GRAP2: variants seen among roughly 807,000 people sequenced by gnomAD.
The protein encoded by GRAP2 is GRB2-related adapter protein 2.
Under a neutral mutation model 43.5 loss-of-function variants are expected in GRAP2, and 31 were observed. That is an observed-to-expected ratio of 0.71 (90% CI 0.54 to 0.96). GRAP2 has a LOEUF of 0.96. GRAP2 is among the 40% of genes least tolerant of loss of function. The probability of loss-of-function intolerance (pLI) is 0.00; values close to 1 mark genes in which losing one functional copy is unlikely to be tolerated. For missense variants in GRAP2, 371 were observed against 424.4 expected (o/e 0.87, Z 1.11); for synonymous variants, 156 against 164.8 (o/e 0.95, Z 0.41).
rs895095680 is a variant in GRAP2 at position 39,962,119 on chromosome 22, A to G, written c.290+1945A>G. Among the ~76,000 whole-genome samples, 4 of 152,354 alleles carry G rather than the reference A, an allele frequency of 2.6e-5. No homozygotes were observed. The East Asian group carries it at 7.7e-4, about 29-fold the overall frequency. ...GTCTTAATTAATGAAATTTCGCTCC[A>G]TTAACATATATTACAAGTCAGGGTC... On this transcript the variant is annotated intron_variant, in intron 4 of 7. Coordinates refer to ENST00000344138, the MANE Select transcript of GRAP2 (RefSeq NM_004810.4).
chr22:39,961,244 A>G (rs2067116812), intron 4 of GRAP2, among the ~76,000 whole-genome samples: 1 of 151,848 alleles, frequency 6.6e-6, no homozygotes, highest in Admixed American at 6.6e-5. Flanking sequence ...TCTCTGACCC[A>G]CTGTGGGGAA....
chr22:39,904,030 C>T (rs866381954), intron 1 of GRAP2, among the ~76,000 whole-genome samples: 4 of 152,082 alleles, frequency 2.6e-5, no homozygotes, highest in African/African-American at 4.8e-5. Context: ...GAAACTATCA[C>T]GAAGTGCATG....
intron 1 of GRAP2, among the ~76,000 whole-genome samples, chr22:39,916,817 A>C (rs778035228): frequency 1.3e-5 from 2 of 152,304 alleles, no homozygotes; most frequent in Non-Finnish European, 2.9e-5. Context: ...TATTATTTTA[A>C]TACTTTACCT....
intron 1 of GRAP2, among the ~76,000 whole-genome samples, chr22:39,923,793 T>C (rs1032822606): frequency 6.6e-6 from 1 of 152,220 alleles, no homozygotes; most frequent in Non-Finnish European, 1.5e-5. Flanking sequence ...TCCCTGCAGC[T>C]CTACTTCTGG....
Position 39,968,923 on chromosome 22 carries a change from G to A in GRAP2, c.691-488G>A, listed in dbSNP as rs181677883. Among the ~76,000 whole-genome samples the A allele has an allele frequency of 1.0e-3, 153 of 152,250 alleles. 1 individual carries two copies. The highest frequency in any genetic ancestry group is 3.4e-3 in the African/African-American group (142 of 41,546). On this transcript the variant is annotated intron_variant, in intron 6 of 7. Coordinates refer to ENST00000344138, the MANE Select transcript of GRAP2 (RefSeq NM_004810.4). ...GCGTTTCCTCTCATGCCTTTGTGGC[G>A]TTTTATATGCTGATCTCTCTGCCTG...
At chr22:39,934,668 T>C (rs980201333) in intron 1 of GRAP2, among the ~76,000 whole-genome samples, 1 of 152,156 alleles carries the variant, frequency 6.6e-6, no homozygotes. Flanking sequence ...ACCATCTTCA[T>C]GTTGGGAAGC....
intron 2 of GRAP2, among the ~76,000 whole-genome samples, chr22:39,951,818 A>T (rs139363712): frequency 2.7e-4 from 41 of 152,230 alleles, no homozygotes; most frequent in Admixed American, 2.4e-3. Context: ...TTTTAAAAAA[A>T]AACCTCACCT....
intron 1 of GRAP2, among the ~76,000 whole-genome samples, chr22:39,909,097 C>T (rs1324328684): frequency 1.3e-5 from 2 of 152,162 alleles, no homozygotes; most frequent in Non-Finnish European, 1.5e-5. Context: ...TTGTACAATG[C>T]AGAACATGGT....
chr22:39,907,573 C>G (rs997613230), intron 1 of GRAP2, among the ~76,000 whole-genome samples: 12 of 151,728 alleles, frequency 7.9e-5, no homozygotes, highest in Non-Finnish European at 1.0e-4. Context: ...CCCATCTCTA[C>G]AAGATATTCT....
At chr22:39,954,311 C>T (rs1433872759) in intron 2 of GRAP2, among the ~76,000 whole-genome samples, 2 of 152,158 alleles carry the variant, frequency 1.3e-5, no homozygotes, top group Non-Finnish European at 2.9e-5. Flanking sequence ...TCTAATTCAG[C>T]GGTTCAGTGA....
In GRAP2 at chr22:39,972,314, A is replaced by G. The variant is rs2067253983; in HGVS notation, c.*1230A>G. On this transcript the variant is annotated 3_prime_UTR_variant, in exon 8 of 8. Transcript: ENST00000344138. ...GGGCCTTAGGGGAGGCCGGGTGCAA[A>G]CCCGTTCTGCACCAAGTGCACTCGG... 1 of 152,392 alleles carries G rather than the reference A, an allele frequency of 6.6e-6. No homozygotes were observed. The highest frequency in any genetic ancestry group is 2.1e-4 in the South Asian group (1 of 4,836). 9.4% of individuals were successfully genotyped at this position (152,392 alleles called of 1,614,324 possible). A position where few individuals can be genotyped will look rare whatever the true frequency, so the allele number is the denominator to read the frequency against.
chr22:39,970,897 C>G lies in GRAP2; in HGVS notation c.814-8C>G, dbSNP rs2067234629. On this transcript the variant is annotated splice_polypyrimidine_tract_variant and splice_region_variant and intron_variant, in intron 7 of 7. Coordinates refer to ENST00000344138, the MANE Select transcript of GRAP2 (RefSeq NM_004810.4). The stretch of plus-strand genomic sequence containing the variant: ...TCAGCAGAGCCTCTTCTGTGCTTCC[C>G]CCAACAGCGAGTGCGGTGGGCCCGG... 1 of 1,593,822 alleles carries G rather than the reference C, an allele frequency of 6.3e-7. No individual in the cohort carries two copies. Among genetic ancestry groups the G allele is most frequent in the Admixed American group, 1.8e-5 (1 of 55,924 alleles).
intron 6 of GRAP2, 99 bp from the exon 7 acceptor site, chr22:39,969,312 T>C (rs1355998427): frequency 2.3e-6 from 3 of 1,322,406 alleles, no homozygotes; most frequent in Non-Finnish European, 3.3e-6. Flanking sequence ...ATTCCTGGAA[T>C]ATACCGGCTC....
intron 2 of GRAP2, among the ~76,000 whole-genome samples, chr22:39,955,377 CA>C (rs929878667): frequency 1.4e-5 from 2 of 147,082 alleles, no homozygotes; most frequent in East Asian, 2.0e-4. Flanking sequence ...AAAACAACAA[CA>C]AAAAAAAGAG....
chr22:39,924,574 C>T (rs944858952), intron 1 of GRAP2, among the ~76,000 whole-genome samples: 2 of 152,052 alleles, frequency 1.3e-5, no homozygotes, highest in Non-Finnish European at 2.9e-5. Context: ...TGGTGGTGGG[C>T]GCCTGCAATC....
rs2067190392 is a variant in GRAP2, at chr22:39,967,804, AGT to A, written c.460-235_460-234del. Among the ~76,000 whole-genome samples the A allele has an allele frequency of 2.6e-5, 4 of 152,196 alleles. No individual in the cohort carries two copies. In the South Asian group the frequency reaches 8.3e-4, roughly 32 times the overall value. On this transcript the variant is annotated intron_variant, in intron 5 of 7. Coordinates refer to ENST00000344138, the MANE Select transcript of GRAP2 (RefSeq NM_004810.4). ...TGGACTAAATGGCTACCAGGCAAAA[AGT>A]GTTAGTCTGTGAACCAGAGACCTGC... is the stretch of plus-strand genomic sequence containing the variant.
rs1430358868 is a variant in GRAP2, at chr22:39,956,767, C to A, written c.170+857C>A. ...TACAGGTGTGAGCCACTGCACCCGG[C>A]CTATTTTAAGTTTTTATAAAATGAG... On this transcript the variant is annotated intron_variant, in intron 3 of 7. Coordinates refer to ENST00000344138, the MANE Select transcript of GRAP2 (RefSeq NM_004810.4). Among the ~76,000 whole-genome samples the A allele has an allele frequency of 2.0e-5, 3 of 152,162 alleles. No individual in the cohort carries two copies. In the East Asian group the frequency reaches 5.8e-4, roughly 29 times the overall value.
intron 1 of GRAP2, chr22:39,926,698 G>T (rs1268430209): frequency 2.0e-6 from 2 of 985,256 alleles, no homozygotes; most frequent in East Asian, 2.3e-4. Context: ...GCATGAGTCG[G>T]GGGATTGGTT....
At chr22:39,968,004 G>A (rs1452247796) in intron 5 of GRAP2, 38 bp from the exon 6 acceptor site, 3 of 1,594,852 alleles carry the variant, frequency 1.9e-6, no homozygotes, top group Non-Finnish European at 2.6e-6. Flanking sequence ...CGATCAGAGA[G>A]GAGGATGCAT....
Sources: gnomAD v4.1 joint callset for allele counts (sites outside exome capture counted in the v4.1 genomes callset) on GRCh38, gnomAD v4.1.1 for gene constraint, MANE v1.5 for transcripts, NCBI Gene and HGNC (gene_info 2026-07-23, HGNC 2026-07-21) for gene names.